Variants in EEF1A2 observed in about 807,000 individuals in gnomAD.
EEF1A2 encodes eukaryotic translation elongation factor 1 alpha 2, also known as elongation factor 1-alpha 2.
A neutral mutation model predicts 39.3 loss-of-function variants in EEF1A2; 5 were observed. That is an observed-to-expected ratio of 0.13 (90% CI 0.07 to 0.27). The LOEUF (loss-of-function observed/expected upper bound fraction) is 0.27, where lower values mean the gene tolerates loss of function less well. EEF1A2 is among the 10% of genes least tolerant of loss of function. The pLI is 1.00. For synonymous variants in EEF1A2, 287 were observed against 293.7 expected (o/e 0.98, Z 0.23); for missense variants, 218 against 681.4 (o/e 0.32, Z 7.57).
At chr20:63,493,092 G>A (rs2082398488) in intron 5 of EEF1A2, 45 bp downstream of exon 5, 3 of 1,535,046 alleles carry the variant, frequency 2.0e-6, no homozygotes, top group African/African-American at 2.8e-5. Flanking sequence ...TCTAGGGCAG[G>A]CAGAGCTGGC....
intron 6 of EEF1A2, 130 bp from the exon 7 acceptor site, chr20:63,489,282 G>A (rs2082367562): frequency 2.4e-6 from 2 of 850,196 alleles, no homozygotes; most frequent in Non-Finnish European, 3.6e-6. Context: ...GCTGACTGGA[G>A]GGGGCTCAGG....
Position 63,488,348 on chromosome 20 carries a change from C to A in EEF1A2, c.1342G>T (p.Ala448Ser). 1 of 1,469,978 alleles carries A rather than the reference C, an allele frequency of 6.8e-7. No homozygotes were observed. 91.1% of individuals were successfully genotyped at this position (1,469,978 alleles called of 1,614,324 possible). The change falls in exon 8 of 8, where the codon GCC becomes TCC. Residue 448 changes from alanine (A) to serine (S), a missense_variant. Physicochemically the swap from Ala to Ser is moderately conservative, Grantham distance 99 (BLOSUM62 1). Coordinates refer to ENST00000217182, the MANE Select transcript of EEF1A2 (RefSeq NM_001958.5). ...IKNVEKKSGG[A>S]GKVTKSAQKA... is the part of the protein sequence containing the mutation. ...TGCGCCGACTTGGTGACCTTGCCGG[C>A]GCCGCCGCTCTTCTTCTCCACGTTC... is the stretch of plus-strand genomic sequence containing the variant.
intron 5 of EEF1A2, among the ~76,000 whole-genome samples, chr20:63,492,210 A>G (rs61728540): frequency 0.26 from 430 of 1,624 alleles, 143 homozygotes; most frequent in East Asian, 0.48. Flanking sequence ...GGATGGATGG[A>G]TAAATGGATG....
intron 5 of EEF1A2, among the ~76,000 whole-genome samples, chr20:63,491,875 T>TGG (rs1448402618): frequency 3.9e-4 from 31 of 79,104 alleles, no homozygotes; most frequent in African/African-American, 5.3e-4. Context: ...GGTGGATGGA[T>TGG]AGATGGATGG....
chr20:63,491,949 G>C, intron 5 of EEF1A2, among the ~76,000 whole-genome samples: 1 of 127,612 alleles, frequency 7.8e-6, no homozygotes, highest in African/African-American at 3.0e-5. Context: ...TGGACGGACG[G>C]ATGGGGAGGT....
At position 63,490,312 on chromosome 20, in the gene EEF1A2, G is replaced by A. The variant is rs141887309; in HGVS notation, c.1029+167C>T. The stretch of plus-strand genomic sequence containing the variant: ...GATCTCTTGACCTCGTGATCTGCCC[G>A]CCTCGGCCTCTCAAAGTGCTGGGAT... On this transcript the variant is annotated intron_variant, in intron 6 of 7. Transcript: ENST00000217182. 2,485 of 804,196 alleles carry A rather than the reference G, an allele frequency of 3.1e-3. 50 individuals are homozygous for A. The African/African-American group carries it at 0.038, about 12-fold the overall frequency. 49.8% of individuals were successfully genotyped at this position (804,196 alleles called of 1,614,324 possible).
chr20:63,489,270 G>C, intron 6 of EEF1A2, 118 bp from the exon 7 acceptor site: 4 of 977,460 alleles, frequency 4.1e-6, no homozygotes, highest in Non-Finnish European at 6.0e-6. Flanking sequence ...TGGGCCCGGA[G>C]TGCTGACTGG....
intron 6 of EEF1A2, 65 bp from the exon 7 acceptor site, chr20:63,489,217 C>G (rs1600902389): frequency 2.6e-6 from 4 of 1,527,778 alleles, no homozygotes; most frequent in East Asian, 2.3e-5. Context: ...GGCGCCAGAG[C>G]GGGGCTGGGA....
chr20:63,490,330 G>C (rs935957038), intron 6 of EEF1A2, 149 bp downstream of exon 6: 2 of 1,008,314 alleles, frequency 2.0e-6, no homozygotes, highest in East Asian at 2.6e-5. Context: ...CTCTCAAAGT[G>C]CTGGGATTAC....
intron 3 of EEF1A2, among the ~76,000 whole-genome samples, 185 bp downstream of exon 3, chr20:63,495,671 G>A (rs1034054711): frequency 2.0e-5 from 3 of 152,204 alleles, no homozygotes; most frequent in Non-Finnish European, 4.4e-5. Flanking sequence ...TCAGATGCCA[G>A]AGCACTGGAT....
At position 63,488,292 on chromosome 20, in the gene EEF1A2, C is replaced by G; in HGVS notation, c.*6G>C. The stretch of plus-strand genomic sequence containing the variant: ...CGGGGAGGGTCGCGCCGCGGGCGCC[C>G]GCGCTTCACTTGCCCGCCTTCTGCG... On this transcript the variant is annotated 3_prime_UTR_variant, in exon 8 of 8. Transcript: ENST00000217182. 7 of 1,303,660 alleles carry G rather than the reference C, an allele frequency of 5.4e-6. No individual in the cohort carries two copies. Among genetic ancestry groups the G allele is most frequent in the Non-Finnish European group, 6.9e-6 (7 of 1,011,618 alleles). The allele number at this position is 1,303,660 out of a possible 1,614,324, so 80.8% of individuals were successfully genotyped here.
chr20:63,496,526 A>C (rs1466911393), intron 2 of EEF1A2: 1 of 154,798 alleles, frequency 6.5e-6, no homozygotes, highest in Non-Finnish European at 1.4e-5. Context: ...CTGGCCACGC[A>C]GCTCCTTCCC....
rs3818681 is a variant in EEF1A2, at chr20:63,495,973, G to T, written c.207C>A (p.Arg69=). The T allele has an allele frequency of 6.2e-7, 1 of 1,613,102 alleles. No homozygotes were observed. The highest frequency in any genetic ancestry group is 1.7e-5 in the Admixed American group (1 of 60,010). ...VLDKLKAERE[R]GITIDISLWK... is the part of the protein sequence containing the mutation. ...AGAGGGAGATGTCGATGGTGATGCCGCGCTCACGCTCCGCCTTCAGCTTGT... is the reference window on the plus strand; with the variant it reads ...AGAGGGAGATGTCGATGGTGATGCCTCGCTCACGCTCCGCCTTCAGCTTGT... Residue 69 remains arginine, a synonymous_variant, in exon 3 of 8, where the codon CGC becomes CGA. Transcript: ENST00000217182.
At position 63,493,244 on chromosome 20, in the gene EEF1A2, T is replaced by C. The variant is rs966646598; in HGVS notation, c.665A>G (p.Asn222Ser). 3.9e-6 allele frequency: 6 copies of C among 1,544,838 alleles called. No individual in the cohort carries two copies. The highest frequency in any genetic ancestry group is 5.2e-6 in the Non-Finnish European group (6 of 1,143,268). ...CTCCAGCAGGGACACGCCGCTTGCG[T>C]TGCCCTCCTTACGCTCCACCTTCCA... is the stretch of plus-strand genomic sequence containing the variant. ...KGWKVERKEG[N>S]ASGVSLLEAL... The change falls in exon 5 of 8, where the codon AAC becomes AGC. Residue 222 changes from asparagine (N) to serine (S), a missense_variant. Asn to Ser is a conservative substitution (Grantham distance 46). This residue lies in a region of EEF1A2 where 79 missense variants were observed against 172.3 expected (regional missense o/e 0.46). Transcript: ENST00000217182.
chr20:63,496,043 G>A lies in EEF1A2; in HGVS notation c.145-8C>T, dbSNP rs554786640. The A allele has an allele frequency of 3.8e-5, 62 of 1,612,272 alleles. No homozygotes were observed. Among genetic ancestry groups the A allele is most frequent in the East Asian group, 2.0e-4 (9 of 44,876 alleles). Reference sequence around the variant, plus strand: ...GAAGGATCCCTTCCCCATCTGGAGCGGGTGAGGGTCACGGCTGAGGGCGGG... The same window carrying A: ...GAAGGATCCCTTCCCCATCTGGAGCAGGTGAGGGTCACGGCTGAGGGCGGG... On this transcript the variant is annotated splice_polypyrimidine_tract_variant and splice_region_variant and intron_variant, in intron 2 of 7. Coordinates refer to ENST00000217182, the MANE Select transcript of EEF1A2 (RefSeq NM_001958.5).
chr20:63,490,150 C>T (rs1600903133), intron 6 of EEF1A2: 4 of 240,396 alleles, frequency 1.7e-5, no homozygotes, highest in African/African-American at 6.5e-5. Flanking sequence ...TCACTGCAAC[C>T]TCCGCCTCCC....
At chr20:63,495,521 C>T (rs576181305) in intron 3 of EEF1A2, among the ~76,000 whole-genome samples, 25 of 152,314 alleles carry the variant, frequency 1.6e-4, no homozygotes, top group South Asian at 6.2e-4. Flanking sequence ...CTACACCTGG[C>T]GGGTGGCACC....
rs1295792353 is a variant in EEF1A2, at chr20:63,497,945, C to G, written c.-71-111G>C. On this transcript the variant is annotated intron_variant, in intron 1 of 7. Coordinates refer to ENST00000217182, the MANE Select transcript of EEF1A2 (RefSeq NM_001958.5). This position sits in a 1 kb window ranked among gnomAD's most constrained non-coding sequence, Gnocchi z 7.3. ...CAGGCATCCCTGCCCACAAACCAAG[C>G]CCCCATGTTTGGTGGGGAGGGAAGG... The G allele has an allele frequency of 1.3e-5, 11 of 823,262 alleles. No homozygotes were observed. Among genetic ancestry groups the G allele is most frequent in the East Asian group, 5.9e-5 (2 of 33,746 alleles). 51.0% of individuals were successfully genotyped at this position (823,262 alleles called of 1,614,324 possible).
At chr20:63,489,331 C>T (rs1447325566) in intron 6 of EEF1A2, among the ~76,000 whole-genome samples, 179 bp from the exon 7 acceptor site, 1 of 152,230 alleles carries the variant, frequency 6.6e-6, no homozygotes, top group Non-Finnish European at 1.5e-5. Flanking sequence ...CCTCAACATC[C>T]TCATTAAGCA....
Sources: allele counts gnomAD v4.1 joint callset (sites outside exome capture counted in the v4.1 genomes callset), GRCh38; gene constraint gnomAD v4.1.1; regional missense constraint gnomAD v4.1.1; non-coding constraint Gnocchi (gnomAD v3.1); transcripts MANE v1.5; gene names NCBI Gene and HGNC (gene_info 2026-07-23, HGNC 2026-07-21).